PEAK1: variants seen among roughly 807,000 people sequenced by gnomAD.
PEAK1 encodes pseudopodium enriched atypical kinase 1.
PEAK1 carries 54 observed loss-of-function variants against 124.7 expected under a neutral mutation model. The observed-to-expected ratio is 0.43, with a 90% CI of 0.35 to 0.54. The LOEUF (loss-of-function observed/expected upper bound fraction) is 0.54. PEAK1 is among the 20% of genes least tolerant of loss of function. The pLI is 0.01. For synonymous variants in PEAK1, 719 were observed against 760.0 expected, an observed-to-expected ratio of 0.95 and a Z score of 0.89; for missense variants, 2,046 against 2,134.5, an observed-to-expected ratio of 0.96 and a Z score of 0.82.
chr15:77,332,733 A>G (rs566841851), intron 2 of PEAK1, among the ~76,000 whole-genome samples: 75 of 152,292 alleles, frequency 4.9e-4, no homozygotes, highest in Non-Finnish European at 7.8e-4. Context: ...AATCTGGTAG[A>G]TTTTAAAAGG....
intron 2 of PEAK1, among the ~76,000 whole-genome samples, chr15:77,303,489 C>T (rs543805163): frequency 6.6e-6 from 1 of 152,118 alleles, no homozygotes; most frequent in East Asian, 1.9e-4. Context: ...TTTGCAATTC[C>T]CTAATGACAC....
chr15:77,362,758 A>C (rs2067974461), intron 2 of PEAK1, among the ~76,000 whole-genome samples: 1 of 152,236 alleles, frequency 6.6e-6, no homozygotes, highest in Non-Finnish European at 1.5e-5. Flanking sequence ...AAGTGGAAAC[A>C]ACCCAAATGT....
At chr15:77,137,708 T>C (rs536903661) in intron 8 of PEAK1, among the ~76,000 whole-genome samples, 2 of 152,368 alleles carry the variant, frequency 1.3e-5, no homozygotes, top group African/African-American at 2.4e-5. Flanking sequence ...GGACTTGCCT[T>C]GTCTCGGATG....
At chr15:77,209,286 C>T (rs1054400269) in intron 6 of PEAK1, among the ~76,000 whole-genome samples, 8 of 152,122 alleles carry the variant, frequency 5.3e-5, no homozygotes, top group African/African-American at 7.2e-5. Context: ...CACTAGCAAA[C>T]GGAGATTTTC....
chr15:77,333,266 C>A lies in PEAK1; in HGVS notation c.-603+31897G>T, dbSNP rs888760107. The A allele has an allele frequency of 4.2e-6, 4 of 943,544 alleles. No individual in the cohort carries two copies. In the African/African-American group the frequency reaches 7.1e-5, roughly 17 times the overall value. 58.4% of individuals were successfully genotyped at this position (943,544 alleles called of 1,614,324 possible). The stretch of plus-strand genomic sequence containing the variant: ...TCCTAAAGTGCTGGGATTACAGGCA[C>A]GAGCCACTGTGCCGGATTCAATCAC... On this transcript the variant is annotated intron_variant, in intron 2 of 9. Coordinates refer to ENST00000682557, the MANE Select transcript of PEAK1 (RefSeq NM_001385026.1).
rs1007907804 is a variant in PEAK1, at chr15:77,286,408, A to C, written c.-521+15T>G. 13 of 1,188,712 alleles carry C rather than the reference A, an allele frequency of 1.1e-5. No homozygotes were observed. Among genetic ancestry groups the C allele is most frequent in the Non-Finnish European group, 1.3e-5 (12 of 949,290 alleles). The allele number at this position is 1,188,712 out of a possible 1,614,324, so 73.6% of individuals were successfully genotyped here. ...AGAATAAACATGTTACATTATGGAAAGAAAAAGTACAAACCTGGTTTAATT... is the reference window on the plus strand; with the variant it reads ...AGAATAAACATGTTACATTATGGAACGAAAAAGTACAAACCTGGTTTAATT... On this transcript the variant is annotated intron_variant, in intron 3 of 9. Coordinates refer to ENST00000682557, the MANE Select transcript of PEAK1 (RefSeq NM_001385026.1).
At chr15:77,298,288 G>C (rs1338583333) in intron 2 of PEAK1, among the ~76,000 whole-genome samples, 1 of 119,276 alleles carries the variant, frequency 8.4e-6, no homozygotes, top group African/African-American at 3.2e-5. Context: ...GCACAATCTC[G>C]GCTCACTGCA....
intron 2 of PEAK1, chr15:77,338,135 T>A (rs1394830356): frequency 3.1e-6 from 3 of 979,630 alleles, no homozygotes; most frequent in East Asian, 2.3e-4. Context: ...CAGTGACAGA[T>A]TAGCATGGAC....
intron 1 of PEAK1, chr15:77,419,224 G>C: frequency 1.0e-6 from 1 of 985,236 alleles, no homozygotes; most frequent in Non-Finnish European, 1.2e-6. Context: ...GGTCTCTCCC[G>C]GTGCTCTCAG....
intron 1 of PEAK1, chr15:77,419,028 T>G (rs1256205007): frequency 1.0e-6 from 1 of 985,344 alleles, no homozygotes; most frequent in Non-Finnish European, 1.2e-6. Flanking sequence ...AAAAATCAAT[T>G]AGGTTTTCTA....
At chr15:77,272,738 G>A (rs554510563) in intron 5 of PEAK1, among the ~76,000 whole-genome samples, 3 of 151,302 alleles carry the variant, frequency 2.0e-5, no homozygotes, top group East Asian at 1.9e-4. Flanking sequence ...CAGAAAGAAG[G>A]AATCCTCCCG....
chr15:77,367,729 C>T (rs1485983940), intron 1 of PEAK1, among the ~76,000 whole-genome samples: 2 of 152,224 alleles, frequency 1.3e-5, no homozygotes, highest in East Asian at 1.9e-4. Flanking sequence ...TAAGTAAGTA[C>T]GTATTTTTAT....
intron 6 of PEAK1, chr15:77,205,245 AT>A (rs34117093): frequency 3.5e-4 from 54 of 154,226 alleles, no homozygotes; most frequent in South Asian, 1.4e-3. Context: ...ATCTCATCCC[AT>A]TTTTTTTTTA....
chr15:77,160,861 A>T (rs1360615395), intron 7 of PEAK1, among the ~76,000 whole-genome samples: 1 of 151,906 alleles, frequency 6.6e-6, no homozygotes, highest in Non-Finnish European at 1.5e-5. Context: ...GTTCCTTCCC[A>T]TTTGTCAAAA....
At chr15:77,201,533 T>C (rs12914128) in intron 6 of PEAK1, among the ~76,000 whole-genome samples, 99,588 of 151,946 alleles carry the variant, frequency 0.66, 33,596 homozygotes, top group Non-Finnish European at 0.75. Context: ...CCACTGCGCC[T>C]GGCCCAAGCC....
intron 5 of PEAK1, among the ~76,000 whole-genome samples, chr15:77,255,019 T>A (rs2061061065): frequency 6.6e-6 from 1 of 152,180 alleles, no homozygotes; most frequent in Non-Finnish European, 1.5e-5. Context: ...TCTGAGGAGA[T>A]GATGCCAAGT....
chr15:77,291,097 T>C (rs1383992469), intron 2 of PEAK1, among the ~76,000 whole-genome samples: 1 of 152,242 alleles, frequency 6.6e-6, no homozygotes, highest in Non-Finnish European at 1.5e-5. Context: ...TGGGGTTGTA[T>C]GATGGCTTGT....
At chr15:77,322,093 C>T (rs1338673759) in intron 2 of PEAK1, among the ~76,000 whole-genome samples, 2 of 152,054 alleles carry the variant, frequency 1.3e-5, no homozygotes, top group Non-Finnish European at 2.9e-5. Context: ...AGAACAAAGA[C>T]ACAACATACC....
Position 77,216,885 on chromosome 15 carries a change from G to A in PEAK1, c.-114-34845C>T, listed in dbSNP as rs145288117. On this transcript the variant is annotated intron_variant, in intron 6 of 9. Transcript: ENST00000682557. ...ACAAGTAGGATTGAGATCCTGAAGC[G>A]TTTCTTCGAAGAATTGTACAGGAGA... is the stretch of plus-strand genomic sequence containing the variant. Among the ~76,000 whole-genome samples, 92 of 152,244 alleles carry A rather than the reference G, an allele frequency of 6.0e-4. 1 individual carries two copies. Among genetic ancestry groups the A allele is most frequent in the Non-Finnish European group, 6.3e-4 (43 of 68,020 alleles).
Sources: allele counts gnomAD v4.1 joint callset (sites outside exome capture counted in the v4.1 genomes callset), GRCh38; gene constraint gnomAD v4.1.1; transcripts MANE v1.5; gene names NCBI Gene and HGNC (gene_info 2026-07-23, HGNC 2026-07-21).